The following DCLK2 variants were observed in gnomAD, a reference collection of about 807,000 sequenced individuals.
The protein encoded by DCLK2 is serine/threonine-protein kinase DCLK2.
In DCLK2, 31 loss-of-function variants were observed where a neutral mutation model predicts 78.4. The ratio of observed to expected loss-of-function variants is 0.40; its 90% CI spans 0.30 to 0.53. The LOEUF (loss-of-function observed/expected upper bound fraction) is 0.53, where lower values mean the gene tolerates loss of function less well. Among genes scored for constraint, DCLK2 ranks in the 20% least tolerant of loss-of-function variants. The pLI, the probability that DCLK2 is intolerant of heterozygous loss-of-function variation, is 0.61. For missense variants in DCLK2, 872 were observed against 973.7 expected, an observed-to-expected ratio of 0.90 and a Z score of 1.39; for synonymous variants, 407 against 374.9, an observed-to-expected ratio of 1.09 and a Z score of -0.99.
intron 5 of DCLK2, among the ~76,000 whole-genome samples, chr4:150,220,209 G>A (rs1046907231): frequency 6.6e-6 from 1 of 152,082 alleles, no homozygotes; most frequent in Non-Finnish European, 1.5e-5. Flanking sequence ...CTGTCGATTT[G>A]GAGTTGCCTT....
At chr4:150,251,846 C>G (rs1008247205) in intron 15 of DCLK2, among the ~76,000 whole-genome samples, 1 of 150,894 alleles carries the variant, frequency 6.6e-6, no homozygotes, top group African/African-American at 2.4e-5. Flanking sequence ...GGCCGTCATT[C>G]TCTTCTGTCC....
At chr4:150,200,718 A>G (rs1470818332) in intron 4 of DCLK2, among the ~76,000 whole-genome samples, 1 of 152,234 alleles carries the variant, frequency 6.6e-6, no homozygotes, top group Non-Finnish European at 1.5e-5. Flanking sequence ...GAAGTCCTAA[A>G]TGAAGTCTTG....
chr4:150,247,855 A>T (rs1385666906), intron 13 of DCLK2, among the ~76,000 whole-genome samples, 156 bp downstream of exon 13: 3 of 152,188 alleles, frequency 2.0e-5, no homozygotes, highest in Non-Finnish European at 4.4e-5. Context: ...ATGGTCTCTG[A>T]AGTTCTTGGC....
At chr4:150,176,066 C>T (rs1223576256) in intron 2 of DCLK2, among the ~76,000 whole-genome samples, 4 of 152,190 alleles carry the variant, frequency 2.6e-5, no homozygotes, top group Non-Finnish European at 2.9e-5. Flanking sequence ...CATTTATTTA[C>T]GTTTGGGATC....
At chr4:150,084,313 G>A (rs968075027) in intron 1 of DCLK2, among the ~76,000 whole-genome samples, 3 of 152,182 alleles carry the variant, frequency 2.0e-5, no homozygotes, top group Non-Finnish European at 1.5e-5. Flanking sequence ...AGTTTTGTAT[G>A]AGTTAAGCTT....
At chr4:150,187,411 C>T (rs759391301) in intron 2 of DCLK2, among the ~76,000 whole-genome samples, 1 of 152,174 alleles carries the variant, frequency 6.6e-6, no homozygotes, top group Non-Finnish European at 1.5e-5. Flanking sequence ...ACATTTCTTT[C>T]CCTCTGCCTG....
Position 150,240,784 on chromosome 4 carries a change from G to GA in DCLK2, c.1778+318dup, listed in dbSNP as rs1180296734. ...AAAAGAAAAAGAAAAAAAAAAATCA[G>GA]AAAAAAAAAATTACATAAAACACCT... On this transcript the variant is annotated intron_variant, in intron 12 of 15. Coordinates refer to ENST00000296550, the MANE Select transcript of DCLK2 (RefSeq NM_001040260.4). Among the ~76,000 whole-genome samples, 1,226 of 132,402 alleles carry GA rather than the reference G, an allele frequency of 9.3e-3. 16 individuals carry two copies. The highest frequency in any genetic ancestry group is 0.031 in the African/African-American group (1,127 of 36,614). 86.9% of individuals were successfully genotyped at this position (132,402 alleles called of 152,430 possible).
Position 150,239,875 on chromosome 4 carries a change from G to A in DCLK2, c.1700G>A (p.Gly567Asp). ...YVAPEIIAET[G>D]YGLKVDIWAA... ...GCTCCAGAAATCATTGCTGAAACTG[G>A]GTAAGACTTCTGGTGGCCCTGGTTA... Residue 567 changes from glycine (G) to aspartate (D), a missense_variant and splice_region_variant, in exon 11 of 16, where the codon GGC becomes GAC. Gly to Asp is a moderately conservative substitution (Grantham distance 94). Around this residue, in one of 3 missense-constraint regions of DCLK2, gnomAD observed 86 missense variants for 150.3 expected, o/e 0.57. Coordinates refer to ENST00000296550, the MANE Select transcript of DCLK2 (RefSeq NM_001040260.4). 3.1e-6 allele frequency: 5 copies of A among 1,613,836 alleles called. No homozygotes were observed. Among genetic ancestry groups the A allele is most frequent in the Non-Finnish European group, 4.2e-6 (5 of 1,179,938 alleles).
intron 12 of DCLK2, among the ~76,000 whole-genome samples, chr4:150,246,607 C>A (rs1276828685): frequency 6.6e-6 from 1 of 152,198 alleles, no homozygotes; most frequent in African/African-American, 2.4e-5. Context: ...TGAGCTTTCT[C>A]ATGGGGCCTT....
chr4:150,138,563 C>A (rs1191206601), intron 2 of DCLK2, among the ~76,000 whole-genome samples: 1 of 152,184 alleles, frequency 6.6e-6, no homozygotes, highest in Non-Finnish European at 1.5e-5. Context: ...TATTTTTTGA[C>A]CTTTACTCAG....
chr4:150,137,574 A>G (rs1263840987), intron 2 of DCLK2, among the ~76,000 whole-genome samples: 1 of 152,174 alleles, frequency 6.6e-6, no homozygotes, highest in African/African-American at 2.4e-5. Flanking sequence ...AATGACTACA[A>G]AGGAAAATAA....
chr4:150,118,565 A>G (rs1244814388), intron 2 of DCLK2, among the ~76,000 whole-genome samples: 2 of 152,206 alleles, frequency 1.3e-5, no homozygotes, highest in African/African-American at 4.8e-5. Context: ...TACAGTATAC[A>G]TGTATACTGT....
At chr4:150,185,655 A>T (rs1044106778) in intron 2 of DCLK2, among the ~76,000 whole-genome samples, 1 of 151,816 alleles carries the variant, frequency 6.6e-6, no homozygotes, top group African/African-American at 2.4e-5. Flanking sequence ...TGGAGGTTGC[A>T]GTGAGCTGAG....
intron 15 of DCLK2, chr4:150,253,156 G>A (rs955025818): frequency 3.4e-5 from 16 of 469,116 alleles, no homozygotes; most frequent in Admixed American, 1.4e-4. Context: ...TCCTGTCTTC[G>A]GAACAGTTTT....
chr4:150,219,263 T>TC, intron 5 of DCLK2, among the ~76,000 whole-genome samples: 1 of 146,652 alleles, frequency 6.8e-6, no homozygotes, highest in South Asian at 2.2e-4. Context: ...ACATTCTTTT[T>TC]TTTTTTTTTT....
intron 2 of DCLK2, among the ~76,000 whole-genome samples, chr4:150,169,693 A>C (rs1018389113): frequency 6.6e-6 from 1 of 151,324 alleles, no homozygotes; most frequent in African/African-American, 2.4e-5. Context: ...AGAGAGCTCT[A>C]CTCTGCAGTG....
rs545906455 is a variant in DCLK2 at position 150,214,683 on chromosome 4, C to T, written c.1057-6020C>T. ...TTCATAGAAAATGTTTCTGACCTGC[C>T]GGGCACGATGGCTCACACCTGTAAA... is the stretch of plus-strand genomic sequence containing the variant. On this transcript the variant is annotated intron_variant, in intron 5 of 15. Transcript: ENST00000296550. Among the ~76,000 whole-genome samples, 12 of 152,108 alleles carry T rather than the reference C, an allele frequency of 7.9e-5. No individual in the cohort carries two copies. In the East Asian group the frequency reaches 9.7e-4, roughly 12 times the overall value.
rs544253756 is a variant in DCLK2, at chr4:150,256,391, C to T, written c.*144C>T. 2.1e-5 allele frequency: 24 copies of T among 1,145,852 alleles called. No individual in the cohort carries two copies. The highest frequency in any genetic ancestry group is 3.0e-5 in the Admixed American group (1 of 33,574). The allele number at this position is 1,145,852 out of a possible 1,614,324, so 71.0% of individuals were successfully genotyped here. A position where few individuals can be genotyped will look rare whatever the true frequency, so the allele number is the denominator to read the frequency against. Reference sequence around the variant, plus strand: ...GGTCCTCCGCAGGCCGCCTGGGAACCGGAGCCTGGCGTGCCGGAGCCTGGC... The same window carrying T: ...GGTCCTCCGCAGGCCGCCTGGGAACTGGAGCCTGGCGTGCCGGAGCCTGGC... On this transcript the variant is annotated 3_prime_UTR_variant, in exon 16 of 16. Transcript: ENST00000296550.
chr4:150,088,213 A>G (rs1729778927), intron 1 of DCLK2, among the ~76,000 whole-genome samples: 2 of 152,182 alleles, frequency 1.3e-5, no homozygotes, highest in African/African-American at 2.4e-5. Flanking sequence ...TACTGGTTAT[A>G]TTGTTGTTCA....
Sources: allele counts gnomAD v4.1 joint callset (sites outside exome capture counted in the v4.1 genomes callset), GRCh38; gene constraint gnomAD v4.1.1; regional missense constraint gnomAD v4.1.1; transcripts MANE v1.5; gene names NCBI Gene and HGNC (gene_info 2026-07-23, HGNC 2026-07-21).